Variants in GULP1 observed in about 807,000 individuals in gnomAD.
GULP1 encodes PTB domain-containing engulfment adapter protein 1.
A neutral mutation model predicts 40.9 loss-of-function variants in GULP1; 19 were observed. The observed-to-expected ratio is 0.46, with a 90% CI of 0.32 to 0.68. The LOEUF is 0.68. Among genes scored for constraint, GULP1 ranks in the 30% least tolerant of loss-of-function variants. The probability of loss-of-function intolerance (pLI) is 0.03; values close to 1 mark genes in which losing one functional copy is unlikely to be tolerated. For missense variants in GULP1, 312 were observed against 362.2 expected (o/e 0.86, Z 1.12); for synonymous variants, 119 against 117.6 (o/e 1.01, Z -0.08).
chr2:188,460,768 A>G (rs2059637161), intron 2 of GULP1, among the ~76,000 whole-genome samples: 2 of 152,244 alleles, frequency 1.3e-5, no homozygotes, highest in South Asian at 2.1e-4. Context: ...TCCGTTCAGT[A>G]TGACACTAGC....
At chr2:188,415,000 G>A (rs183426399) in intron 2 of GULP1, among the ~76,000 whole-genome samples, 1 of 152,178 alleles carries the variant, frequency 6.6e-6, no homozygotes. Context: ...GAGTAAATAT[G>A]TTTCCATGTA....
At chr2:188,350,262 G>T (rs900291378) in intron 1 of GULP1, among the ~76,000 whole-genome samples, 1 of 152,042 alleles carries the variant, frequency 6.6e-6, no homozygotes, top group Non-Finnish European at 1.5e-5. Context: ...GATAAGGATT[G>T]CATTAGATCT....
At chr2:188,343,018 A>G (rs2043168860) in intron 1 of GULP1, among the ~76,000 whole-genome samples, 1 of 152,242 alleles carries the variant, frequency 6.6e-6, no homozygotes, top group Admixed American at 6.5e-5. Context: ...AAAGATTGTC[A>G]TGGCAAAGAA....
At chr2:188,505,896 C>T (rs1431741713) in intron 4 of GULP1, among the ~76,000 whole-genome samples, 1 of 151,834 alleles carries the variant, frequency 6.6e-6, no homozygotes, top group Non-Finnish European at 1.5e-5. Context: ...ACAAACATGC[C>T]TCAGACTTAC....
intron 1 of GULP1, among the ~76,000 whole-genome samples, chr2:188,350,053 A>G (rs565856409): frequency 6.6e-6 from 1 of 152,088 alleles, no homozygotes; most frequent in East Asian, 1.9e-4. Flanking sequence ...TTTCAATTCT[A>G]CTCCATTGAT....
intron 5 of GULP1, among the ~76,000 whole-genome samples, chr2:188,525,089 AT>A (rs1685822818): frequency 6.6e-6 from 1 of 151,914 alleles, no homozygotes; most frequent in Non-Finnish European, 1.5e-5. Context: ...TCTTTCTATC[AT>A]TTTTTAGAGA....
intron 2 of GULP1, among the ~76,000 whole-genome samples, chr2:188,431,093 C>T (rs1351404294): frequency 6.6e-6 from 1 of 152,132 alleles, no homozygotes; most frequent in Non-Finnish European, 1.5e-5. Flanking sequence ...AATCTGCATA[C>T]CTTCCCTTCA....
intron 1 of GULP1, among the ~76,000 whole-genome samples, chr2:188,305,635 G>T (rs1192586036): frequency 1.3e-5 from 2 of 152,168 alleles, no homozygotes; most frequent in Non-Finnish European, 2.9e-5. Context: ...CAGGAAATGT[G>T]GATGAAAAAC....
intron 2 of GULP1, among the ~76,000 whole-genome samples, chr2:188,459,616 G>A (rs1348145736): frequency 6.6e-6 from 1 of 152,102 alleles, no homozygotes; most frequent in African/African-American, 2.4e-5. Context: ...CCCATTGATT[G>A]TTTCCTTTGC....
At chr2:188,419,828 T>C (rs1373434913) in intron 2 of GULP1, among the ~76,000 whole-genome samples, 2 of 152,160 alleles carry the variant, frequency 1.3e-5, no homozygotes, top group African/African-American at 4.8e-5. Context: ...GTTTAACAAT[T>C]TTGAGTCGTA....
Position 188,589,695 on chromosome 2 carries a change from T to G in GULP1, c.843+1746T>G, listed in dbSNP as rs1576330007. 8.6e-6 allele frequency: 10 copies of G among 1,166,158 alleles called. No homozygotes were observed. In the East Asian group the frequency reaches 2.8e-4, roughly 33 times the overall value. 72.2% of individuals were successfully genotyped at this position (1,166,158 alleles called of 1,614,324 possible). On this transcript the variant is annotated intron_variant, in intron 11 of 11. Coordinates refer to ENST00000409830, the MANE Select transcript of GULP1 (RefSeq NM_016315.4). Reference sequence around the variant, plus strand: ...TTTTGCTTTTGCTGTTTCTAATATTTTCTTAATGTCTTTTTAAATTCTTTA... The same window carrying G: ...TTTTGCTTTTGCTGTTTCTAATATTGTCTTAATGTCTTTTTAAATTCTTTA...
chr2:188,308,023 T>G (rs1235386585), intron 1 of GULP1, among the ~76,000 whole-genome samples: 1 of 41,566 alleles, frequency 2.4e-5, no homozygotes, highest in East Asian at 2.3e-3. Context: ...ATAAACTGGG[T>G]GTCATTGTGC....
chr2:188,345,793 A>C (rs1574585628), intron 1 of GULP1, among the ~76,000 whole-genome samples: 1 of 152,328 alleles, frequency 6.6e-6, no homozygotes, highest in East Asian at 1.9e-4. Flanking sequence ...TTTAGAAGAG[A>C]GGAGAAAATG....
chr2:188,307,439 A>AT (rs11290740), intron 1 of GULP1, among the ~76,000 whole-genome samples: 1,761 of 149,654 alleles, frequency 0.012, 11 homozygotes, highest in Non-Finnish European at 0.016. Context: ...CTTTTTCGAG[A>AT]TTTTTTTTTT....
intron 2 of GULP1, 42 bp from the exon 3 acceptor site, chr2:188,477,617 A>G: frequency 2.0e-6 from 2 of 1,015,568 alleles, no homozygotes; most frequent in East Asian, 2.6e-5. Flanking sequence ...AGGTCAGTCA[A>G]CAGTCCTTTG....
chr2:188,367,342 C>G (rs764002270), intron 1 of GULP1, among the ~76,000 whole-genome samples: 2 of 152,080 alleles, frequency 1.3e-5, no homozygotes, highest in Non-Finnish European at 2.9e-5. Flanking sequence ...CAGACAGTTG[C>G]GTTCTAGTGA....
In GULP1 at chr2:188,594,117, A is replaced by T. The variant is rs1221690549; in HGVS notation, c.*106A>T. ...ATTATTCATGTGTCAATGTTTTTGA[A>T]TATTTTAATATTTTGAAAATTTTCT... On this transcript the variant is annotated 3_prime_UTR_variant, in exon 12 of 12. Transcript: ENST00000409830. The T allele has an allele frequency of 1.7e-6, 1 of 589,698 alleles. No homozygotes were observed. Among genetic ancestry groups the T allele is most frequent in the Non-Finnish European group, 2.9e-6 (1 of 341,130 alleles). 36.5% of individuals were successfully genotyped at this position (589,698 alleles called of 1,614,324 possible).
chr2:188,417,024 C>T (rs555775762), intron 2 of GULP1, among the ~76,000 whole-genome samples: 1 of 152,188 alleles, frequency 6.6e-6, no homozygotes, highest in Admixed American at 6.5e-5. Flanking sequence ...TTCAAAATAC[C>T]TGAAAGTTAA....
chr2:188,537,616 G>A (rs1420950068), intron 6 of GULP1, among the ~76,000 whole-genome samples: 1 of 152,002 alleles, frequency 6.6e-6, no homozygotes, highest in Non-Finnish European at 1.5e-5. Flanking sequence ...TTGCATCTAT[G>A]TACATCTGGA....
Sources: allele counts gnomAD v4.1 joint callset (sites outside exome capture counted in the v4.1 genomes callset), GRCh38; gene constraint gnomAD v4.1.1; transcripts MANE v1.5; gene names NCBI Gene and HGNC (gene_info 2026-07-23, HGNC 2026-07-21).